Variants in RANBP2 observed in about 807,000 individuals in gnomAD.
RANBP2 encodes the protein RAN binding protein 2.
In RANBP2, 57 loss-of-function variants were observed where a neutral mutation model predicts 303.6. That is an observed-to-expected ratio of 0.19 (90% CI 0.15 to 0.23). RANBP2 has a LOEUF of 0.23. Ranked by LOEUF, RANBP2 falls within the 10% of genes least tolerant of loss-of-function variation. The pLI, the probability that RANBP2 is intolerant of heterozygous loss-of-function variation, is 1.00. For synonymous variants in RANBP2, 1,167 were observed against 1,301.5 expected (o/e 0.90, Z 2.23); for missense variants, 3,138 against 3,780.8 (o/e 0.83, Z 4.46).
chr2:109,392,957 G>T, the RANBP2 span, among the ~76,000 whole-genome samples: 3 of 152,334 alleles, frequency 2.0e-5, no homozygotes, highest in East Asian at 5.8e-4. Flanking sequence ...CAGTGTCAAA[G>T]GGAATCCTTC....
the RANBP2 span, among the ~76,000 whole-genome samples, chr2:109,417,414 G>A: frequency 4.6e-5 from 7 of 152,088 alleles, no homozygotes; most frequent in African/African-American, 1.7e-4. Flanking sequence ...CAGGTGTCCC[G>A]GGCAGACAGA....
chr2:109,519,293 C>T, the RANBP2 span, among the ~76,000 whole-genome samples: 125 of 152,276 alleles, frequency 8.2e-4, no homozygotes, highest in African/African-American at 2.9e-3. Context: ...GGGGATGGCA[C>T]TAAACCCTTA....
the RANBP2 span, chr2:108,791,954 A>G: frequency 1.3e-6 from 1 of 767,422 alleles, no homozygotes; most frequent in East Asian, 3.1e-5. Flanking sequence ...TACTGTGCTT[A>G]TTATTAAACT....
the RANBP2 span, among the ~76,000 whole-genome samples, chr2:109,152,751 C>CG: frequency 3.1e-4 from 47 of 151,736 alleles, no homozygotes; most frequent in East Asian, 4.5e-3. Context: ...GGCAGAGGGG[C>CG]GGGGGGGACC....
At chr2:109,650,501 C>G in the RANBP2 span, among the ~76,000 whole-genome samples, 1 of 152,190 alleles carries the variant, frequency 6.6e-6, no homozygotes, top group Non-Finnish European at 1.5e-5. Flanking sequence ...AGGGGTCCCA[C>G]TTTCCCTCCT....
chr2:109,128,975 C>T, the RANBP2 span: 3 of 422,794 alleles, frequency 7.1e-6, no homozygotes, highest in African/African-American at 6.3e-5. Context: ...TCCGCGCGCA[C>T]CCCCGCGCAC....
the RANBP2 span, among the ~76,000 whole-genome samples, chr2:108,937,240 C>T: frequency 6.6e-6 from 1 of 152,216 alleles, no homozygotes; most frequent in Admixed American, 6.5e-5. Flanking sequence ...TTGCAAACTC[C>T]CTGGTGAAGA....
At chr2:109,078,184 C>CGT in the RANBP2 span, among the ~76,000 whole-genome samples, 1 of 60,940 alleles carries the variant, frequency 1.6e-5, no homozygotes, top group Non-Finnish European at 3.2e-5. Context: ...ATATATATAG[C>CGT]ATATATATAT....
the RANBP2 span, among the ~76,000 whole-genome samples, chr2:109,156,449 GTT>G: frequency 6.9e-6 from 1 of 145,206 alleles, no homozygotes; most frequent in Admixed American, 6.9e-5. Context: ...GAATTTTAAG[GTT>G]TTTTTTTTTT....
the RANBP2 span, among the ~76,000 whole-genome samples, chr2:108,834,269 G>C: frequency 1.3e-5 from 2 of 148,598 alleles, no homozygotes; most frequent in African/African-American, 5.1e-5. Flanking sequence ...CTGGAGTGCA[G>C]TGGCGCAATC....
At chr2:109,190,602 C>T in the RANBP2 span, among the ~76,000 whole-genome samples, 1 of 152,164 alleles carries the variant, frequency 6.6e-6, no homozygotes, top group Non-Finnish European at 1.5e-5. Flanking sequence ...TACCACACTC[C>T]CATTGCAACT....
the RANBP2 span, among the ~76,000 whole-genome samples, chr2:109,692,872 G>A: frequency 1.4e-5 from 2 of 147,620 alleles, no homozygotes; most frequent in African/African-American, 5.0e-5. Flanking sequence ...AGGCTGGAGT[G>A]CAATGGTGCG....
intron 6 of RANBP2, among the ~76,000 whole-genome samples, chr2:108,739,990 A>G (rs1413481495): frequency 1.3e-5 from 2 of 152,042 alleles, no homozygotes; most frequent in Non-Finnish European, 2.9e-5. Flanking sequence ...TCCGTCTCAA[A>G]AAAAAAAAAG....
At chr2:108,816,219 G>A in the RANBP2 span, 4 of 750,048 alleles carry the variant, frequency 5.3e-6, no homozygotes, top group Admixed American at 5.8e-5. Context: ...GGGAGTTCGA[G>A]CTGGGCAGAT....
the RANBP2 span, chr2:109,553,152 TTTC>T: frequency 1.9e-6 from 3 of 1,614,162 alleles, no homozygotes; most frequent in Non-Finnish European, 2.5e-6. Flanking sequence ...ATCTGTTTCA[TTTC>T]TTCTTCCTTC....
chr2:108,731,376 T>C lies in RANBP2; in HGVS notation c.307T>C (p.Leu103=). ...QKDLVLKIAE[L]LCKNDVTDGR... ...AGATCTTGTGTTGAAGATTGCAGAA[T>C]TGCTTTGTAAAAATGATGTTACTGA... The change falls in exon 4 of 29, where the codon TTG becomes CTG. Residue 103 remains leucine, a synonymous_variant. Coordinates refer to ENST00000283195, the MANE Select transcript of RANBP2 (RefSeq NM_006267.5). 1 of 1,611,546 alleles carries C rather than the reference T, an allele frequency of 6.2e-7. No homozygotes were observed. Among genetic ancestry groups the C allele is most frequent in the Non-Finnish European group, 8.5e-7 (1 of 1,179,584 alleles).
At chr2:109,371,739 C>A in the RANBP2 span, 1 of 1,461,694 alleles carries the variant, frequency 6.8e-7, no homozygotes, top group Non-Finnish European at 9.5e-7. Flanking sequence ...TGTTTCACTA[C>A]AGTGGGGTCA....
the RANBP2 span, among the ~76,000 whole-genome samples, chr2:109,080,109 G>A: frequency 6.6e-6 from 1 of 152,216 alleles, no homozygotes; most frequent in African/African-American, 2.4e-5. Context: ...TGACAGAGGA[G>A]GGAAAAGGAG....
the RANBP2 span, among the ~76,000 whole-genome samples, chr2:109,289,517 T>C: frequency 2.3e-4 from 35 of 152,260 alleles, no homozygotes; most frequent in African/African-American, 7.9e-4. Flanking sequence ...ACATTGTGTG[T>C]GGTGGAAATC....
Sources: gnomAD v4.1 joint callset for allele counts (sites outside exome capture counted in the v4.1 genomes callset) on GRCh38, gnomAD v4.1.1 for gene constraint, MANE v1.5 for transcripts, NCBI Gene and HGNC (gene_info 2026-07-23, HGNC 2026-07-21) for gene names.